Variants in COL21A1 observed in about 807,000 individuals in gnomAD.
COL21A1 encodes the protein collagen alpha-1(XXI) chain.
COL21A1 carries 149 observed loss-of-function variants against 137.9 expected under a neutral mutation model. That is an observed-to-expected ratio of 1.08 (90% CI 0.95 to 1.24). The LOEUF (loss-of-function observed/expected upper bound fraction) is 1.24. COL21A1 is among the 50% of genes most tolerant of loss of function. The pLI, the probability that COL21A1 is intolerant of heterozygous loss-of-function variation, is 0.00. For synonymous variants in COL21A1, 456 were observed against 391.5 expected (o/e 1.16, Z -1.95); for missense variants, 1,167 against 1,158.4 (o/e 1.01, Z -0.11).
intron 1 of COL21A1, among the ~76,000 whole-genome samples, chr6:56,387,649 A>G (rs1037493477): frequency 6.6e-6 from 1 of 152,176 alleles, no homozygotes; most frequent in Non-Finnish European, 1.5e-5. Flanking sequence ...GGGACTTTGC[A>G]CTGGAACTCC....
intron 23 of COL21A1, 40 bp from the exon 24 acceptor site, chr6:56,064,662 C>A (rs1582223011): frequency 7.2e-7 from 1 of 1,389,878 alleles, no homozygotes; most frequent in Non-Finnish European, 9.9e-7. Flanking sequence ...AGTTTGCACA[C>A]TTACGATGCA....
At chr6:56,285,496 A>G (rs1347794357) in intron 1 of COL21A1, among the ~76,000 whole-genome samples, 1 of 152,180 alleles carries the variant, frequency 6.6e-6, no homozygotes, top group South Asian at 2.1e-4. Context: ...TTCTTGGTAA[A>G]TGTAGGTAAA....
At chr6:56,295,093 A>C (rs1186237956) in intron 1 of COL21A1, among the ~76,000 whole-genome samples, 1 of 151,744 alleles carries the variant, frequency 6.6e-6, no homozygotes, top group Non-Finnish European at 1.5e-5. Context: ...ATCCATTTTG[A>C]GTTAATTTTT....
intron 12 of COL21A1, among the ~76,000 whole-genome samples, chr6:56,128,745 C>G (rs1004224769): frequency 3.9e-5 from 6 of 152,152 alleles, no homozygotes; most frequent in African/African-American, 1.2e-4. Context: ...ACCTCTGCCC[C>G]CCAGGCTCAG....
At chr6:56,101,426 A>C in intron 17 of COL21A1, 46 bp downstream of exon 17, 3 of 1,406,690 alleles carry the variant, frequency 2.1e-6, no homozygotes, top group Non-Finnish European at 3.0e-6. Flanking sequence ...ATTTCGTAAC[A>C]GGAAAAGAAC....
In COL21A1 at chr6:56,113,331, G is replaced by C. The variant is rs577480084; in HGVS notation, c.1758+10731C>G. 1.4e-4 allele frequency among the ~76,000 whole-genome samples: 22 copies of C among 152,278 alleles called. No homozygotes were observed. The South Asian group carries it at 4.6e-3, about 32-fold the overall frequency. ...TGAGGAGAGGAGAGGAAAGAGTGAA[G>C]AGGACTTTGTCTTGTATCTTGAATA... is the stretch of plus-strand genomic sequence containing the variant. On this transcript the variant is annotated intron_variant, in intron 16 of 29. Coordinates refer to ENST00000244728, the MANE Select transcript of COL21A1 (RefSeq NM_030820.4).
chr6:56,384,055 C>T (rs1396520583), intron 1 of COL21A1, among the ~76,000 whole-genome samples: 1 of 152,080 alleles, frequency 6.6e-6, no homozygotes, highest in African/African-American at 2.4e-5. Flanking sequence ...GTGGTGCATC[C>T]ATCCCTCCAA....
chr6:56,191,106 G>C (rs1778642946), intron 1 of COL21A1, among the ~76,000 whole-genome samples: 2 of 152,092 alleles, frequency 1.3e-5, no homozygotes, highest in Non-Finnish European at 2.9e-5. Flanking sequence ...TCTGGCCAGG[G>C]CAATCAGGCA....
At chr6:56,306,652 T>G (rs1395772982) in intron 1 of COL21A1, among the ~76,000 whole-genome samples, 1 of 152,184 alleles carries the variant, frequency 6.6e-6, no homozygotes, top group Non-Finnish European at 1.5e-5. Flanking sequence ...TTCAAGGTTT[T>G]TAACTTCTTT....
chr6:56,199,158 ACAGTTGTAGGGTCTC>A (rs1730017655), intron 1 of COL21A1, among the ~76,000 whole-genome samples: 1 of 152,114 alleles, frequency 6.6e-6, no homozygotes, highest in South Asian at 2.1e-4. Flanking sequence ...GGTAACTATT[ACAGTTGTAGGGTCTC>A]CATTAAATGA....
chr6:56,362,372 T>C (rs759928926), intron 1 of COL21A1, among the ~76,000 whole-genome samples: 13 of 152,216 alleles, frequency 8.5e-5, no homozygotes, highest in Non-Finnish European at 1.5e-5. Flanking sequence ...AAGTATGTAT[T>C]ATTTTTTAAT....
At position 56,268,317 on chromosome 6, in the gene COL21A1, T is replaced by C. The variant is rs532926750; in HGVS notation, c.-38-85661A>G. ...CCCGGAACATCTAATAAAGGAAACA[T>C]GGGTGCGGTTCCAGGGATCAGAATG... is the stretch of plus-strand genomic sequence containing the variant. On this transcript the variant is annotated intron_variant, in intron 1 of 28. Transcript: ENST00000370819. 2.1e-4 allele frequency among the ~76,000 whole-genome samples: 32 copies of C among 152,212 alleles called. 1 individual carries two copies. Among genetic ancestry groups the C allele is most frequent in the African/African-American group, 7.5e-4 (31 of 41,526 alleles).
intron 7 of COL21A1, 121 bp from the exon 8 acceptor site, chr6:56,164,943 A>G: frequency 1.4e-6 from 1 of 718,162 alleles, no homozygotes; most frequent in Non-Finnish European, 2.2e-6. Context: ...AAACCAACAA[A>G]AACCAAAATA....
intron 3 of COL21A1, among the ~76,000 whole-genome samples, chr6:56,174,812 C>T (rs1777327285): frequency 1.3e-5 from 2 of 151,918 alleles, no homozygotes; most frequent in Admixed American, 1.3e-4. Flanking sequence ...TTTATAAGGC[C>T]AGCATTAACC....
intron 1 of COL21A1, among the ~76,000 whole-genome samples, chr6:56,344,388 A>C (rs73745612): frequency 6.6e-6 from 1 of 152,218 alleles, no homozygotes; most frequent in African/African-American, 2.4e-5. Context: ...GATGTTTTAC[A>C]AATAAATATC....
rs1774963322 is a variant in COL21A1 at position 56,147,902 on chromosome 6, T to C, written c.1435-5919A>G. Among the ~76,000 whole-genome samples the C allele has an allele frequency of 2.6e-5, 4 of 152,156 alleles. No homozygotes were observed. The South Asian group carries it at 8.3e-4, about 31-fold the overall frequency. On this transcript the variant is annotated intron_variant, in intron 10 of 29. Transcript: ENST00000244728. ...GAGCTAGTTTTCCTCCCTGTCCTCTTTTTCTCTAGCATCATTCTTGAATAT... is the reference window on the plus strand; with the variant it reads ...GAGCTAGTTTTCCTCCCTGTCCTCTCTTTCTCTAGCATCATTCTTGAATAT...
intron 17 of COL21A1, among the ~76,000 whole-genome samples, chr6:56,097,712 G>A (rs539627250): frequency 2.1e-5 from 3 of 140,502 alleles, no homozygotes; most frequent in African/African-American, 8.0e-5. Flanking sequence ...GCAGCCATGG[G>A]AAAGGAAAGC....
intron 1 of COL21A1, among the ~76,000 whole-genome samples, chr6:56,260,848 C>CTGTGTATGTGTG (rs1763252302): frequency 7.4e-6 from 1 of 135,216 alleles, no homozygotes; most frequent in South Asian, 2.4e-4. Context: ...CTTTAATTCA[C>CTGTGTATGTGTG]TGTGTGTGTG....
At chr6:56,298,395 G>A (rs889046521) in intron 1 of COL21A1, among the ~76,000 whole-genome samples, 1 of 152,116 alleles carries the variant, frequency 6.6e-6, no homozygotes, top group African/African-American at 2.4e-5. Flanking sequence ...AACTTGGGGT[G>A]CCTTTCACTG....
Sources: allele counts gnomAD v4.1 joint callset (sites outside exome capture counted in the v4.1 genomes callset), GRCh38; gene constraint gnomAD v4.1.1; transcripts MANE v1.5; gene names NCBI Gene and HGNC (gene_info 2026-07-23, HGNC 2026-07-21).